Variants in KCTD6 observed in about 807,000 individuals in gnomAD.
The protein encoded by KCTD6 is potassium channel tetramerization domain containing 6.
A neutral mutation model predicts 18.7 loss-of-function variants in KCTD6; 6 were observed. The ratio of observed to expected loss-of-function variants is 0.32; its 90% CI spans 0.18 to 0.63. The LOEUF (loss-of-function observed/expected upper bound fraction) is 0.63. KCTD6 is among the 30% of genes least tolerant of loss of function. The pLI, the probability that KCTD6 is intolerant of heterozygous loss-of-function variation, is 0.79. For missense variants in KCTD6, 165 were observed against 300.2 expected (o/e 0.55, Z 3.33); for synonymous variants, 86 against 108.5 (o/e 0.79, Z 1.29).
At position 58,501,310 on chromosome 3, in the gene KCTD6, A is replaced by G. The variant is rs778746389; in HGVS notation, c.392A>G (p.Lys131Arg). The G allele has an allele frequency of 6.2e-7, 1 of 1,613,458 alleles. No individual in the cohort carries two copies. The highest frequency in any genetic ancestry group is 1.7e-5 in the Admixed American group (1 of 59,832). The change falls in exon 3 of 3, where the codon AAG becomes AGG. Residue 131 changes from lysine (K) to arginine (R), a missense_variant. Physicochemically the swap from Lys to Arg is conservative, Grantham distance 26. Coordinates refer to ENST00000404589, the MANE Select transcript of KCTD6 (RefSeq NM_001128214.2). This position sits in a 1 kb window ranked among gnomAD's most constrained non-coding sequence, Gnocchi z 9.7. ...VELSSTRKLS[K>R]YSNPVAVIIT... ...CTGTCTAGTACTCGGAAGCTTTCTA[A>G]GTACTCCAACCCAGTGGCTGTCATC...
In KCTD6 at chr3:58,492,177, G is replaced by C. The variant is rs2107971794; in HGVS notation, c.-44+8G>C. ...AGCCGCCGCCGCCGCGCAGTGAGTG[G>C]GGCTGGCGCGGGGCTTGCGGGGCCG... On this transcript the variant is annotated splice_region_variant and intron_variant, in intron 1 of 2. Coordinates refer to ENST00000404589, the MANE Select transcript of KCTD6 (RefSeq NM_001128214.2). The surrounding 1 kb of genome is among the most constrained non-coding windows in gnomAD (Gnocchi z 6.1). 1 of 149,944 alleles carries C rather than the reference G, an allele frequency of 6.7e-6. No homozygotes were observed. Among genetic ancestry groups the C allele is most frequent in the Non-Finnish European group, 1.5e-5 (1 of 66,874 alleles). 9.3% of individuals were successfully genotyped at this position (149,944 alleles called of 1,614,324 possible). A position where few individuals can be genotyped will look rare whatever the true frequency, so the allele number is the denominator to read the frequency against.
rs1482122502 is a variant in KCTD6 at position 58,497,212 on chromosome 3, A to G, written c.-43-1501A>G. On this transcript the variant is annotated intron_variant, in intron 1 of 2. Coordinates refer to ENST00000404589, the MANE Select transcript of KCTD6 (RefSeq NM_001128214.2). This position sits in a 1 kb window ranked among gnomAD's most constrained non-coding sequence, Gnocchi z 4.2. ...GTCCACATTTTAGTTGTGTGCTTTG[A>G]AGGATTTGCAAGGTAGAGAAATAGA... is the stretch of plus-strand genomic sequence containing the variant. Among the ~76,000 whole-genome samples the G allele has an allele frequency of 1.3e-5, 2 of 152,174 alleles. No individual in the cohort carries two copies. The highest frequency in any genetic ancestry group is 3.8e-4 in the East Asian group (2 of 5,200).
Position 58,497,615 on chromosome 3 carries a change from A to T in KCTD6, c.-43-1098A>T, listed in dbSNP as rs561136530. On this transcript the variant is annotated intron_variant, in intron 1 of 2. Coordinates refer to ENST00000404589, the MANE Select transcript of KCTD6 (RefSeq NM_001128214.2). The surrounding 1 kb of genome is among the most constrained non-coding windows in gnomAD (Gnocchi z 4.2). ...GAATTGTAGATAAAAATAAATTCACATTGGCATCATTAGTATCTGAGCATT... is the reference window on the plus strand; with the variant it reads ...GAATTGTAGATAAAAATAAATTCACTTTGGCATCATTAGTATCTGAGCATT... 9.8e-5 allele frequency among the ~76,000 whole-genome samples: 15 copies of T among 152,342 alleles called. No individual in the cohort carries two copies. Among genetic ancestry groups the T allele is most frequent in the African/African-American group, 3.6e-4 (15 of 41,584 alleles).
At chr3:58,494,959 G>A (rs2063169450) in intron 1 of KCTD6, among the ~76,000 whole-genome samples, 1 of 152,340 alleles carries the variant, frequency 6.6e-6, no homozygotes, top group East Asian at 1.9e-4. Flanking sequence ...GGAGTGGGCA[G>A]TGTTGTTTTC....
rs1273833524 is a variant in KCTD6 at position 58,497,459 on chromosome 3, A to AC, written c.-43-1252dup. On this transcript the variant is annotated intron_variant, in intron 1 of 2. Coordinates refer to ENST00000404589, the MANE Select transcript of KCTD6 (RefSeq NM_001128214.2). The surrounding 1 kb of genome is among the most constrained non-coding windows in gnomAD (Gnocchi z 4.2). ...GAATACCAATAAGTCCATGTTTCTT[A>AC]CCATGTCTTGCCAGAGCTTTAGAAA... Among the ~76,000 whole-genome samples the AC allele has an allele frequency of 6.6e-6, 1 of 152,226 alleles. No individual in the cohort carries two copies. Among genetic ancestry groups the AC allele is most frequent in the African/African-American group, 2.4e-5 (1 of 41,452 alleles).
rs2063177196 is a variant in KCTD6, at chr3:58,496,822, C to T, written c.-43-1891C>T. On this transcript the variant is annotated intron_variant, in intron 1 of 2. Transcript: ENST00000404589. The surrounding 1 kb of genome is among the most constrained non-coding windows in gnomAD (Gnocchi z 5.1). The stretch of plus-strand genomic sequence containing the variant: ...GCACCCCCTCCACTCCATAGGTGAC[C>T]CACAATAATTGTTGGCTGAATGAAT... Among the ~76,000 whole-genome samples the T allele has an allele frequency of 1.3e-5, 2 of 152,110 alleles. No homozygotes were observed. Among genetic ancestry groups the T allele is most frequent in the Admixed American group, 1.3e-4 (2 of 15,260 alleles).
In KCTD6 at chr3:58,493,444, G is replaced by A. The variant is rs2063163442; in HGVS notation, c.-44+1275G>A. ...GTGCGCTTGGATTTTGATATTTGGG[G>A]TCCATTTAAAATGGAGTACCTGTAT... On this transcript the variant is annotated intron_variant, in intron 1 of 2. Coordinates refer to ENST00000404589, the MANE Select transcript of KCTD6 (RefSeq NM_001128214.2). The surrounding 1 kb of genome is among the most constrained non-coding windows in gnomAD (Gnocchi z 4.5). Among the ~76,000 whole-genome samples the A allele has an allele frequency of 6.6e-6, 1 of 152,342 alleles. No homozygotes were observed. The highest frequency in any genetic ancestry group is 6.5e-5 in the Admixed American group (1 of 15,306).
chr3:58,498,770 CTG>C lies in KCTD6; in HGVS notation c.16_17del (p.Trp6GlyfsTer6). On this transcript the variant is annotated frameshift_variant, in exon 2 of 3. Transcript: ENST00000404589. LOFTEE classifies it high-confidence loss of function. The surrounding 1 kb of genome is among the most constrained non-coding windows in gnomAD (Gnocchi z 4.6). Reference protein sequence around the residue: MDNGDWGYMMTDPVTL... With the variant: MDNGDXGYMMTDPVTL... ...CACTGGAGCAGATGGATAATGGAGA[CTG>C]GGGCTATATGGTGAGTGCTTCTTGG... 1.2e-6 allele frequency: 2 copies of C among 1,612,434 alleles called. No homozygotes were observed. Among genetic ancestry groups the C allele is most frequent in the Non-Finnish European group, 1.7e-6 (2 of 1,179,260 alleles).
At position 58,498,129 on chromosome 3, in the gene KCTD6, C is replaced by G. The variant is rs2063187989; in HGVS notation, c.-43-584C>G. 6.6e-6 allele frequency: 1 copy of G among 151,878 alleles called. No individual in the cohort carries two copies. The highest frequency in any genetic ancestry group is 1.5e-5 in the Non-Finnish European group (1 of 68,086). The allele number at this position is 151,878 out of a possible 1,614,324, so 9.4% of individuals were successfully genotyped here. On this transcript the variant is annotated intron_variant, in intron 1 of 2. Coordinates refer to ENST00000404589, the MANE Select transcript of KCTD6 (RefSeq NM_001128214.2). The surrounding 1 kb of genome is among the most constrained non-coding windows in gnomAD (Gnocchi z 4.6). ...CCTGAATAGCTAGGATTACAGGTGC[C>G]CACCACCACGCCCAGCTAATTTTTT...
intron 2 of KCTD6, among the ~76,000 whole-genome samples, chr3:58,500,573 TA>T (rs904614469): frequency 5.9e-5 from 9 of 151,492 alleles, no homozygotes; most frequent in East Asian, 1.9e-4. Context: ...ATGCAAGCCT[TA>T]AAAAAAAATC....
rs940184055 is a variant in KCTD6 at position 58,498,563 on chromosome 3, C to T, written c.-43-150C>T. On this transcript the variant is annotated intron_variant, in intron 1 of 2. Coordinates refer to ENST00000404589, the MANE Select transcript of KCTD6 (RefSeq NM_001128214.2). The surrounding 1 kb of genome is among the most constrained non-coding windows in gnomAD (Gnocchi z 4.6). ...GAAGGCCCTAGGGGAATGCTTTCTT[C>T]CCCAGATCTTTGCCCTGTAGTAGGT... 11 of 606,604 alleles carry T rather than the reference C, an allele frequency of 1.8e-5. No homozygotes were observed. The highest frequency in any genetic ancestry group is 2.9e-6 in the Non-Finnish European group (1 of 344,734). 37.6% of individuals were successfully genotyped at this position (606,604 alleles called of 1,614,324 possible).
intron 2 of KCTD6, among the ~76,000 whole-genome samples, chr3:58,500,583 TC>T (rs2063200662): frequency 6.6e-6 from 1 of 152,008 alleles, no homozygotes; most frequent in South Asian, 2.1e-4. Context: ...TAAAAAAAAA[TC>T]AGAAAAAAAT....
chr3:58,494,621 T>C (rs1186268400), intron 1 of KCTD6, among the ~76,000 whole-genome samples: 1 of 152,224 alleles, frequency 6.6e-6, no homozygotes, highest in Non-Finnish European at 1.5e-5. Flanking sequence ...ATAGCAGGAA[T>C]GATAAACCCA....
intron 1 of KCTD6, among the ~76,000 whole-genome samples, chr3:58,495,124 G>A (rs1560203631): frequency 6.6e-6 from 1 of 152,140 alleles, no homozygotes. Flanking sequence ...TCACTATAAA[G>A]GAAAAATTTT....
chr3:58,500,036 A>G (rs1327729202), intron 2 of KCTD6, among the ~76,000 whole-genome samples: 1 of 152,076 alleles, frequency 6.6e-6, no homozygotes, highest in Non-Finnish European at 1.5e-5. Context: ...TAAACTGTAT[A>G]TTTTAACTTA....
At position 58,498,830 on chromosome 3, in the gene KCTD6, G is replaced by A; in HGVS notation, c.27+48G>A. The stretch of plus-strand genomic sequence containing the variant: ...TTTTGAAGGCTGGGGAATTATTTTT[G>A]TGTGTCTTTTTATCCTTATGTATTT... On this transcript the variant is annotated intron_variant, in intron 2 of 2. Coordinates refer to ENST00000404589, the MANE Select transcript of KCTD6 (RefSeq NM_001128214.2). The surrounding 1 kb of genome is among the most constrained non-coding windows in gnomAD (Gnocchi z 4.6). 6.6e-7 allele frequency: 1 copy of A among 1,515,048 alleles called. No individual in the cohort carries two copies. The highest frequency in any genetic ancestry group is 1.2e-5 in the South Asian group (1 of 85,470). 93.9% of individuals were successfully genotyped at this position (1,515,048 alleles called of 1,614,324 possible).
chr3:58,495,089 C>G (rs2063169911), intron 1 of KCTD6, among the ~76,000 whole-genome samples: 1 of 152,160 alleles, frequency 6.6e-6, no homozygotes, highest in African/African-American at 2.4e-5. Flanking sequence ...TCTTTCAAAA[C>G]CATCTTTAGT....
In KCTD6 at chr3:58,496,178, G is replaced by A. The variant is rs1164117163; in HGVS notation, c.-43-2535G>A. ...TTTACAAACCCATTATGACTGTTTA[G>A]TTAGGCTGAGTTACTGTAAAATTTG... is the stretch of plus-strand genomic sequence containing the variant. On this transcript the variant is annotated intron_variant, in intron 1 of 2. Transcript: ENST00000404589. This position sits in a 1 kb window ranked among gnomAD's most constrained non-coding sequence, Gnocchi z 5.1. 6.6e-6 allele frequency among the ~76,000 whole-genome samples: 1 copy of A among 152,070 alleles called. No individual in the cohort carries two copies. The highest frequency in any genetic ancestry group is 6.6e-5 in the Admixed American group (1 of 15,260).
chr3:58,493,867 AGAGT>A lies in KCTD6; in HGVS notation c.-44+1701_-44+1704del, dbSNP rs1451844790. 6.6e-6 allele frequency: 1 copy of A among 152,212 alleles called. No individual in the cohort carries two copies. Among genetic ancestry groups the A allele is most frequent in the Non-Finnish European group, 1.5e-5 (1 of 68,034 alleles). The allele number at this position is 152,212 out of a possible 1,614,324, so 9.4% of individuals were successfully genotyped here. Reference sequence around the variant, plus strand: ...TCCCCAAAGAAGAAGCTGGGCATAAAGAGTGATTTTCTCAGGGTCTCATAATCAG... The same window carrying A: ...TCCCCAAAGAAGAAGCTGGGCATAAAGATTTTCTCAGGGTCTCATAATCAG... On this transcript the variant is annotated intron_variant, in intron 1 of 2. Coordinates refer to ENST00000404589, the MANE Select transcript of KCTD6 (RefSeq NM_001128214.2). This position sits in a 1 kb window ranked among gnomAD's most constrained non-coding sequence, Gnocchi z 4.5.
Sources: allele counts gnomAD v4.1 joint callset (sites outside exome capture counted in the v4.1 genomes callset), GRCh38; gene constraint gnomAD v4.1.1; non-coding constraint Gnocchi (gnomAD v3.1); transcripts MANE v1.5; gene names NCBI Gene and HGNC (gene_info 2026-07-23, HGNC 2026-07-21).